The following SLC25A3 variants were observed in gnomAD, a reference collection of about 807,000 sequenced individuals.
The protein encoded by SLC25A3 is phosphate transport protein.
A neutral mutation model predicts 37.1 loss-of-function variants in SLC25A3; 14 were observed. That is an observed-to-expected ratio of 0.38 (90% CI 0.25 to 0.59). The LOEUF is 0.59. SLC25A3 is among the 20% of genes least tolerant of loss of function. SLC25A3 has a pLI of 0.67. For synonymous variants in SLC25A3, 161 were observed against 168.7 expected (o/e 0.95, Z 0.36); for missense variants, 385 against 458.1 (o/e 0.84, Z 1.46).
In SLC25A3 at chr12:98,601,597, T is replaced by C. The variant is rs925522252; in HGVS notation, c.*69T>C. ...GTTGAAGAAAGTGCAAAAGGAACTT[T>C]TATATATTTGACAGTGTAGGAAATT... On this transcript the variant is annotated 3_prime_UTR_variant, in exon 8 of 8. Coordinates refer to ENST00000552981, the MANE Select transcript of SLC25A3 (RefSeq NM_002635.4). 4.9e-6 allele frequency: 5 copies of C among 1,024,734 alleles called. No individual in the cohort carries two copies. Among genetic ancestry groups the C allele is most frequent in the Non-Finnish European group, 7.7e-6 (5 of 647,546 alleles). 63.5% of individuals were successfully genotyped at this position (1,024,734 alleles called of 1,614,324 possible).
At position 98,601,699 on chromosome 12, in the gene SLC25A3, C is replaced by T. The variant is rs183828444; in HGVS notation, c.*171C>T. On this transcript the variant is annotated 3_prime_UTR_variant, in exon 8 of 8. Transcript: ENST00000552981. ...AGATTTACTGTTGAAATAAACCCAA[C>T]TCTTCATGATTTGCCTGTGACTTAT... The T allele has an allele frequency of 4.8e-6, 3 of 626,596 alleles. No individual in the cohort carries two copies. The East Asian group carries it at 8.3e-5, about 17-fold the overall frequency. The allele number at this position is 626,596 out of a possible 1,614,324, so 38.8% of individuals were successfully genotyped here.
chr12:98,599,153 C>A (rs2097595632), intron 5 of SLC25A3, among the ~76,000 whole-genome samples: 1 of 152,030 alleles, frequency 6.6e-6, no homozygotes, highest in Non-Finnish European at 1.5e-5. Context: ...CCTCCGCCTC[C>A]CAGGTTCAAG....
At position 98,601,655 on chromosome 12, in the gene SLC25A3, T is replaced by C. The variant is rs902857848; in HGVS notation, c.*127T>C. The C allele has an allele frequency of 1.4e-6, 1 of 703,782 alleles. No homozygotes were observed. Among genetic ancestry groups the C allele is most frequent in the Non-Finnish European group, 2.6e-6 (1 of 390,644 alleles). 43.6% of individuals were successfully genotyped at this position (703,782 alleles called of 1,614,324 possible). A position where few individuals can be genotyped will look rare whatever the true frequency, so the allele number is the denominator to read the frequency against. Reference sequence around the variant, plus strand: ...CCTGATATAATTACTGTAGTACTCTTGCTTAAGGCAAGAGTTTCAGATTTA... The same window carrying C: ...CCTGATATAATTACTGTAGTACTCTCGCTTAAGGCAAGAGTTTCAGATTTA... On this transcript the variant is annotated 3_prime_UTR_variant, in exon 8 of 8. Transcript: ENST00000552981.
chr12:98,603,761 AT>A lies in SLC25A3; in HGVS notation c.*2236del, dbSNP rs534262682. Reference sequence around the variant, plus strand: ...GTTACTAGAGTTACGGTTCAAAGCTATTTCTGAGAGAAAGCCACTTCATCCT... The same window carrying A: ...GTTACTAGAGTTACGGTTCAAAGCTATTCTGAGAGAAAGCCACTTCATCCT... On this transcript the variant is annotated 3_prime_UTR_variant, in exon 8 of 8. Coordinates refer to ENST00000552981, the MANE Select transcript of SLC25A3 (RefSeq NM_002635.4). The A allele has an allele frequency of 4.2e-4, 64 of 152,284 alleles. No homozygotes were observed. Among genetic ancestry groups the A allele is most frequent in the Middle Eastern group, 6.8e-3 (2 of 294 alleles). The allele number at this position is 152,284 out of a possible 1,614,324, so 9.4% of individuals were successfully genotyped here. A position where few individuals can be genotyped will look rare whatever the true frequency, so the allele number is the denominator to read the frequency against.
chr12:98,596,743 G>A (rs1378711668), intron 3 of SLC25A3, among the ~76,000 whole-genome samples: 1 of 152,184 alleles, frequency 6.6e-6, no homozygotes, highest in Non-Finnish European at 1.5e-5. Flanking sequence ...GCCAAGCATG[G>A]TCGCCCACAC....
In SLC25A3 at chr12:98,605,493, A is replaced by G. The variant is rs2153290153; in HGVS notation, c.*3965A>G. ...AGCGCATAGCAGTCACTAGTAAATT[A>G]GGAGTTATACATTGCTTCTATAGCA... On this transcript the variant is annotated 3_prime_UTR_variant, in exon 8 of 8. Transcript: ENST00000552981. 6.6e-6 allele frequency: 1 copy of G among 152,268 alleles called. No individual in the cohort carries two copies. The highest frequency in any genetic ancestry group is 6.5e-5 in the Admixed American group (1 of 15,290). 9.4% of individuals were successfully genotyped at this position (152,268 alleles called of 1,614,324 possible).
rs1287804896 is a variant in SLC25A3 at position 98,604,929 on chromosome 12, T to C, written c.*3401T>C. The C allele has an allele frequency of 6.6e-6, 1 of 152,286 alleles. No homozygotes were observed. Among genetic ancestry groups the C allele is most frequent in the East Asian group, 1.9e-4 (1 of 5,204 alleles). The allele number at this position is 152,286 out of a possible 1,614,324, so 9.4% of individuals were successfully genotyped here. On this transcript the variant is annotated 3_prime_UTR_variant, in exon 8 of 8. Transcript: ENST00000552981. ...AGTGTGGACCACCATGTCTGGCTAATGTTTTTTATTTTTAGCAGAAATGAG... is the reference window on the plus strand; with the variant it reads ...AGTGTGGACCACCATGTCTGGCTAACGTTTTTTATTTTTAGCAGAAATGAG...
In SLC25A3 at chr12:98,595,832, T is replaced by A. The variant is rs748058441; in HGVS notation, c.263T>A (p.Val88Glu). Residue 88 changes from valine to glutamate, a missense_variant, in exon 3 of 8, where the codon GTG (valine) becomes GAG (glutamate). By Grantham distance (121) the Val-to-Glu change is moderately radical. Coordinates refer to ENST00000552981, the MANE Select transcript of SLC25A3 (RefSeq NM_002635.4). ...ACTGCTGTGGTTCCCCTGGATTTAGTGAAATGCCGTATGCAGGTTTGTATT... is the reference window on the plus strand; with the variant it reads ...ACTGCTGTGGTTCCCCTGGATTTAGAGAAATGCCGTATGCAGGTTTGTATT... Reference protein sequence around the residue: ...THTAVVPLDLVKCRMQVDPQK... With the variant: ...THTAVVPLDLEKCRMQVDPQK... 6.2e-7 allele frequency: 1 copy of A among 1,614,070 alleles called. No individual in the cohort carries two copies. Among genetic ancestry groups the A allele is most frequent in the Non-Finnish European group, 8.5e-7 (1 of 1,179,910 alleles).
In SLC25A3 at chr12:98,601,543, ATGTGGACTGAATC is replaced by A; in HGVS notation, c.*18_*30del. 1.3e-6 allele frequency: 2 copies of A among 1,503,070 alleles called. No individual in the cohort carries two copies. The highest frequency in any genetic ancestry group is 1.9e-6 in the Non-Finnish European group (2 of 1,078,792). 93.1% of individuals were successfully genotyped at this position (1,503,070 alleles called of 1,614,324 possible). ...TAACTCAGTAGTTAGATCAAAGCAAATGTGGACTGAATCTGCTTGTTGATCAGTGTTGAAGAAA... is the reference window on the plus strand; with the variant it reads ...TAACTCAGTAGTTAGATCAAAGCAAATGCTTGTTGATCAGTGTTGAAGAAA... On this transcript the variant is annotated 3_prime_UTR_variant, in exon 8 of 8. Coordinates refer to ENST00000552981, the MANE Select transcript of SLC25A3 (RefSeq NM_002635.4).
chr12:98,598,040 G>C lies in SLC25A3; in HGVS notation c.459+5G>C. On this transcript the variant is annotated splice_donor_5th_base_variant and intron_variant, in intron 4 of 7. Coordinates refer to ENST00000552981, the MANE Select transcript of SLC25A3 (RefSeq NM_002635.4). The stretch of plus-strand genomic sequence containing the variant: ...TATAGCAATATGCTTGGAGAGGTAT[G>C]TAATTAACTTTAAAATTGAATGTTC... 1 of 1,612,674 alleles carries C rather than the reference G, an allele frequency of 6.2e-7. No homozygotes were observed. The highest frequency in any genetic ancestry group is 8.5e-7 in the Non-Finnish European group (1 of 1,178,930).
At chr12:98,593,899 G>C (rs995005694) in intron 1 of SLC25A3, 76 bp from the exon 2 acceptor site, 9 of 1,564,276 alleles carry the variant, frequency 5.8e-6, no homozygotes, top group African/African-American at 1.4e-5. Context: ...AAAAGGCCCC[G>C]GTTGGGGTTC....
intron 1 of SLC25A3, 64 bp downstream of exon 1, chr12:98,593,804 G>A (rs1205524520): frequency 1.5e-6 from 1 of 685,710 alleles, no homozygotes; most frequent in East Asian, 2.7e-5. Flanking sequence ...CTCCTGTGGG[G>A]CCGCTGCTTT....
intron 5 of SLC25A3, chr12:98,599,715 A>G (rs767435653): frequency 4.3e-5 from 29 of 673,682 alleles, no homozygotes; most frequent in South Asian, 3.8e-4. Flanking sequence ...TTGTGGTTCC[A>G]GTAGTCAAAG....
chr12:98,596,417 A>G (rs1033546510), intron 3 of SLC25A3, among the ~76,000 whole-genome samples: 1 of 152,218 alleles, frequency 6.6e-6, no homozygotes, highest in African/African-American at 2.4e-5. Flanking sequence ...ACTTACCTAA[A>G]AGAGAAATGA....
chr12:98,594,258 C>T (rs2097591086), intron 2 of SLC25A3, 123 bp downstream of exon 2: 3 of 842,408 alleles, frequency 3.6e-6, no homozygotes, highest in Admixed American at 2.0e-5. Flanking sequence ...CGTAGGACGG[C>T]GCCCAGTTGC....
In SLC25A3 at chr12:98,604,263, A is replaced by AAAAAAAATATATAT. The variant is rs1302964992; in HGVS notation, c.*2736_*2737insAAAAAATATATATA. 7.4e-6 allele frequency: 1 copy of AAAAAAAATATATAT among 134,592 alleles called. No individual in the cohort carries two copies. The highest frequency in any genetic ancestry group is 2.9e-5 in the African/African-American group (1 of 34,844). 8.3% of individuals were successfully genotyped at this position (134,592 alleles called of 1,614,324 possible). A position where few individuals can be genotyped will look rare whatever the true frequency, so the allele number is the denominator to read the frequency against. ...GCGAAACTCTGTCTCAAAAAAAAAAAATATATATATATATATATATATATG... is the reference window on the plus strand; with the variant it reads ...GCGAAACTCTGTCTCAAAAAAAAAAAAAAAAAATATATATATATATATATATATATATATATATG... On this transcript the variant is annotated 3_prime_UTR_variant, in exon 8 of 8. Coordinates refer to ENST00000552981, the MANE Select transcript of SLC25A3 (RefSeq NM_002635.4).
In SLC25A3 at chr12:98,597,843, G is replaced by C. The variant is rs1465783056; in HGVS notation, c.280-13G>C. 6.2e-7 allele frequency: 1 copy of C among 1,600,734 alleles called. No homozygotes were observed. The highest frequency in any genetic ancestry group is 8.5e-7 in the Non-Finnish European group (1 of 1,172,892). On this transcript the variant is annotated splice_polypyrimidine_tract_variant and intron_variant, in intron 3 of 7. Coordinates refer to ENST00000552981, the MANE Select transcript of SLC25A3 (RefSeq NM_002635.4). ...TGGTGCATTTAATTTTTTTTTTCTT[G>C]TTTTAAATAAAGGTGGACCCCCAAA...
rs772631300 is a variant in SLC25A3 at position 98,595,426 on chromosome 12, C to G, written c.158-301C>G. On this transcript the variant is annotated intron_variant, in intron 2 of 7. Transcript: ENST00000552981. ...CTTACTTGATTTTTTTTTTTCCAATCAAACAGAGCAGTATAGCTGTGACTA... is the reference window on the plus strand; with the variant it reads ...CTTACTTGATTTTTTTTTTTCCAATGAAACAGAGCAGTATAGCTGTGACTA... 39 of 1,611,016 alleles carry G rather than the reference C, an allele frequency of 2.4e-5. No individual in the cohort carries two copies. The highest frequency in any genetic ancestry group is 1.3e-4 in the Admixed American group (8 of 59,594).
intron 2 of SLC25A3, chr12:98,594,594 ATTGTATAT>A: frequency 1.8e-6 from 1 of 555,850 alleles, no homozygotes. Context: ...TTTGCACTTA[ATTGTATAT>A]GAGATAACTA....
Sources: allele counts gnomAD v4.1 joint callset (sites outside exome capture counted in the v4.1 genomes callset), GRCh38; gene constraint gnomAD v4.1.1; transcripts MANE v1.5; gene names NCBI Gene and HGNC (gene_info 2026-07-23, HGNC 2026-07-21).